WWOX: variants seen among roughly 807,000 people sequenced by gnomAD.
The protein encoded by WWOX is WW domain containing oxidoreductase.
Under a neutral mutation model 46.2 loss-of-function variants are expected in WWOX, and 69 were observed. The ratio of observed to expected loss-of-function variants is 1.49; its 90% CI spans 1.23 to 1.82. The LOEUF is 1.82. Ranked by LOEUF, WWOX falls within the 40% of genes most tolerant of loss-of-function variation. The pLI is 0.00. For synonymous variants in WWOX, 359 were observed against 202.6 expected (o/e 1.77, Z -6.56); for missense variants, 919 against 542.6 (o/e 1.69, Z -6.89).
chr16:78,536,705 A>C (rs1421423442), intron 8 of WWOX, among the ~76,000 whole-genome samples: 1 of 152,092 alleles, frequency 6.6e-6, no homozygotes, highest in Admixed American at 6.6e-5. Context: ...GATGCTGATC[A>C]TGACTATGAA....
intron 8 of WWOX, chr16:78,553,004 TC>T (rs1228279185): frequency 6.6e-6 from 1 of 152,236 alleles, no homozygotes; most frequent in African/African-American, 2.4e-5. Context: ...GAAGCTATTA[TC>T]CTCAGCAAAC....
chr16:78,824,127 A>T (rs2051583004), intron 8 of WWOX, among the ~76,000 whole-genome samples: 1 of 152,178 alleles, frequency 6.6e-6, no homozygotes, highest in Admixed American at 6.5e-5. Context: ...CCTTGAAATA[A>T]AGTTTTTAAA....
intron 5 of WWOX, chr16:78,266,979 T>G (rs1416782314): frequency 6.6e-6 from 1 of 152,260 alleles, no homozygotes; most frequent in Non-Finnish European, 1.5e-5. Flanking sequence ...TTTCCCATGC[T>G]ATTCTCATGA....
intron 8 of WWOX, among the ~76,000 whole-genome samples, chr16:78,727,664 C>G (rs4299170): frequency 0.67 from 102,074 of 152,014 alleles, 35,952 homozygotes; most frequent in African/African-American, 0.9. Flanking sequence ...CTTCTTTTTC[C>G]CTTATGTCAA....
chr16:78,677,165 C>T (rs2047621044), intron 8 of WWOX, among the ~76,000 whole-genome samples: 1 of 152,030 alleles, frequency 6.6e-6, no homozygotes, highest in South Asian at 2.1e-4. Flanking sequence ...AGCTTGCTGT[C>T]CCCTGGGCAG....
chr16:78,710,473 C>CATATATATAGATATATATATAT (rs2048415835), intron 8 of WWOX, among the ~76,000 whole-genome samples: 1 of 63,590 alleles, frequency 1.6e-5, no homozygotes, highest in Non-Finnish European at 3.2e-5. Context: ...TAATGGATCT[C>CATATATATAGATATATATATAT]ATATATATAT....
intron 8 of WWOX, among the ~76,000 whole-genome samples, chr16:79,095,545 G>A (rs901737965): frequency 1.5e-4 from 23 of 152,158 alleles, no homozygotes; most frequent in African/African-American, 4.8e-4. Context: ...AGGGTGAGGC[G>A]CGGGGGAGCT....
intron 8 of WWOX, among the ~76,000 whole-genome samples, chr16:78,679,322 G>A (rs1373597228): frequency 7.2e-5 from 11 of 152,146 alleles, no homozygotes; most frequent in African/African-American, 9.7e-5. Flanking sequence ...AGGCCAAGGC[G>A]GGTGGATCAC....
chr16:78,481,594 A>G (rs1196158486), intron 8 of WWOX, among the ~76,000 whole-genome samples: 2 of 151,666 alleles, frequency 1.3e-5, no homozygotes, highest in Non-Finnish European at 2.9e-5. Flanking sequence ...GTACATCCTG[A>G]TATCAGCACG....
chr16:78,312,644 A>G (rs1411337533), intron 5 of WWOX, among the ~76,000 whole-genome samples: 3 of 152,108 alleles, frequency 2.0e-5, no homozygotes, highest in Non-Finnish European at 4.4e-5. Context: ...CAAAGTGCTG[A>G]GATTACAGGC....
chr16:78,741,121 C>G (rs973435971), intron 8 of WWOX, among the ~76,000 whole-genome samples: 1 of 152,162 alleles, frequency 6.6e-6, no homozygotes, highest in African/African-American at 2.4e-5. Context: ...AGGTTAGGAA[C>G]TGCCTAGCGC....
At chr16:78,407,743 C>T (rs547963626) in intron 6 of WWOX, among the ~76,000 whole-genome samples, 5 of 152,284 alleles carry the variant, frequency 3.3e-5, no homozygotes, top group South Asian at 2.1e-4. Context: ...GGCTATTCAA[C>T]GTCCTGTAGA....
At chr16:78,768,623 C>T (rs1337785916) in intron 8 of WWOX, among the ~76,000 whole-genome samples, 1 of 151,604 alleles carries the variant, frequency 6.6e-6, no homozygotes, top group Non-Finnish European at 1.5e-5. Context: ...TTGGAGCTTC[C>T]TAATTTCTAA....
chr16:79,046,435 G>A (rs1389641845), intron 8 of WWOX, among the ~76,000 whole-genome samples: 3 of 152,164 alleles, frequency 2.0e-5, no homozygotes, highest in African/African-American at 7.2e-5. Context: ...AACCACAATT[G>A]TTTTACATGG....
intron 8 of WWOX, among the ~76,000 whole-genome samples, chr16:78,580,821 ATTC>A (rs2045033112): frequency 2.0e-5 from 3 of 152,224 alleles, no homozygotes; most frequent in African/African-American, 7.2e-5. Flanking sequence ...ATTAGAATGA[ATTC>A]TTCTCAACAC....
chr16:78,453,328 C>T (rs2083736557), intron 8 of WWOX, among the ~76,000 whole-genome samples: 5 of 151,032 alleles, frequency 3.3e-5, no homozygotes, highest in Admixed American at 3.3e-4. Flanking sequence ...GAGGCTGAGG[C>T]AGGAAAATCG....
chr16:79,086,603 A>G (rs191212373), intron 8 of WWOX, among the ~76,000 whole-genome samples: 1 of 152,190 alleles, frequency 6.6e-6, no homozygotes, highest in Admixed American at 6.5e-5. Flanking sequence ...TGTCCTGGCC[A>G]GGTGCAGTGG....
At chr16:78,374,658 C>T (rs1337090605) in intron 5 of WWOX, among the ~76,000 whole-genome samples, 4 of 151,180 alleles carry the variant, frequency 2.6e-5, no homozygotes, top group Non-Finnish European at 5.9e-5. Context: ...ATGCCATTCT[C>T]CTGCCTCAGC....
intron 8 of WWOX, among the ~76,000 whole-genome samples, chr16:78,974,186 G>C (rs1345632861): frequency 1.3e-5 from 2 of 152,174 alleles, no homozygotes; most frequent in African/African-American, 4.8e-5. Flanking sequence ...AATACTTTTG[G>C]AGGGAAAAGA....
Sources: allele counts gnomAD v4.1 joint callset (sites outside exome capture counted in the v4.1 genomes callset), GRCh38; gene constraint gnomAD v4.1.1; transcripts MANE v1.5; gene names NCBI Gene and HGNC (gene_info 2026-07-23, HGNC 2026-07-21).